NHSL2: variants seen among roughly 807,000 people sequenced by gnomAD.
NHSL2 encodes the protein NHS like 2.
NHSL2 carries 27 observed loss-of-function variants against 53.4 expected under a neutral mutation model. That is an observed-to-expected ratio of 0.51 (90% CI 0.37 to 0.70). The LOEUF (loss-of-function observed/expected upper bound fraction) is 0.70, where lower values mean the gene tolerates loss of function less well. NHSL2 is among the 30% of genes least tolerant of loss of function. The probability of loss-of-function intolerance (pLI) is 0.00; values close to 1 mark genes in which losing one functional copy is unlikely to be tolerated. For synonymous variants in NHSL2, 408 were observed against 404.1 expected, an observed-to-expected ratio of 1.01 and a Z score of -0.12; for missense variants, 892 against 980.1, an observed-to-expected ratio of 0.91 and a Z score of 1.20.
chrX:72,075,901 A>AGTGTGT (rs10637913), intron 1 of NHSL2, among the ~76,000 whole-genome samples: 1,380 of 93,307 alleles, frequency 0.015, 17 homozygotes, highest in East Asian at 0.054. Flanking sequence ...GGGGGAGCAC[A>AGTGTGT]GTGTGTGTGT....
At chrX:72,038,577 T>A (rs2042253591) in intron 1 of NHSL2, among the ~76,000 whole-genome samples, 1 of 112,194 alleles carries the variant, frequency 8.9e-6, no homozygotes, top group Non-Finnish European at 1.9e-5. Flanking sequence ...ACCACATACA[T>A]ATACATCTAT....
chrX:71,932,058 C>T (rs888975673), intron 1 of NHSL2, among the ~76,000 whole-genome samples: 40 of 112,072 alleles, frequency 3.6e-4, no homozygotes, highest in African/African-American at 1.3e-3. Context: ...TAGCCATGGC[C>T]CTTGCCTTCA....
intron 1 of NHSL2, chrX:72,130,990 C>T (rs1381082214): frequency 1.7e-6 from 2 of 1,210,925 alleles, no homozygotes; most frequent in Non-Finnish European, 2.2e-6. Context: ...CCGCTCGGCG[C>T]CCCCGGGGAA....
intron 1 of NHSL2, among the ~76,000 whole-genome samples, chrX:71,949,866 G>A (rs944886850): frequency 1.6e-4 from 18 of 112,858 alleles, no homozygotes; most frequent in African/African-American, 5.8e-4. Context: ...TGGCAGTGGG[G>A]TAGAGGCTGG....
intron 1 of NHSL2, among the ~76,000 whole-genome samples, chrX:72,040,140 T>A (rs752429405): frequency 8.9e-6 from 1 of 112,000 alleles, no homozygotes; most frequent in African/African-American, 3.3e-5. Context: ...TCTCTCTCTT[T>A]GGGGTTTTGT....
At chrX:72,012,316 C>G (rs763962097) in intron 1 of NHSL2, among the ~76,000 whole-genome samples, 1 of 111,081 alleles carries the variant, frequency 9.0e-6, no homozygotes, top group African/African-American at 3.3e-5. Context: ...TATATCATTT[C>G]CTGAGGCTGC....
intron 1 of NHSL2, among the ~76,000 whole-genome samples, chrX:72,042,133 G>A (rs1481594423): frequency 3.6e-5 from 4 of 112,658 alleles, no homozygotes; most frequent in Non-Finnish European, 7.5e-5. Flanking sequence ...CAAGGGCCTT[G>A]CAGGCATCAT....
intron 1 of NHSL2, among the ~76,000 whole-genome samples, chrX:72,116,553 T>C (rs1055280482): frequency 8.9e-6 from 1 of 111,818 alleles, no homozygotes; most frequent in African/African-American, 3.3e-5. Flanking sequence ...AGATAAGCAA[T>C]GGACAGAGTT....
chrX:71,950,907 G>T lies in NHSL2; in HGVS notation c.280+39540G>T, dbSNP rs1410732786. The stretch of plus-strand genomic sequence containing the variant: ...ATTTTGACAGAAGCATTAGAGTTAA[G>T]TCCAAACTCCCGGGCTTGGCATTCA... On this transcript the variant is annotated intron_variant, in intron 1 of 7. Coordinates refer to ENST00000633930, the MANE Select transcript of NHSL2 (RefSeq NM_001013627.3). 2.7e-5 allele frequency among the ~76,000 whole-genome samples: 3 copies of T among 110,257 alleles called. No homozygotes were observed. The East Asian group carries it at 8.5e-4, about 31-fold the overall frequency.
In NHSL2 at chrX:72,140,303, G is replaced by T; in HGVS notation, c.2755G>T (p.Asp919Tyr). The T allele has an allele frequency of 8.3e-7, 1 of 1,211,108 alleles. No homozygotes were observed. Residue 919 changes from aspartate (D) to tyrosine (Y), a missense_variant, in exon 6 of 8, where the codon GAC becomes TAC. Transcript: ENST00000633930. Reference protein sequence around the residue: ...SIQHARPLPQDSYTVVRKPKP... With the variant: ...SIQHARPLPQYSYTVVRKPKP... ...TCAACATGCGAGACCACTCCCTCAA[G>T]ACAGCTACACGGTAGTGCGGAAACC... is the stretch of plus-strand genomic sequence containing the variant.
At chrX:72,131,166 G>A (rs2042292508) in intron 1 of NHSL2, 9 of 1,177,453 alleles carry the variant, frequency 7.6e-6, no homozygotes, top group Non-Finnish European at 9.2e-6. Context: ...GCGGGGGCGG[G>A]ATGGGCAGCA....
intron 1 of NHSL2, among the ~76,000 whole-genome samples, chrX:71,982,000 A>G (rs1377822008): frequency 8.9e-6 from 1 of 112,000 alleles, no homozygotes; most frequent in Non-Finnish European, 1.9e-5. Context: ...AAATAAAAGC[A>G]TATGTCCCCA....
chrX:71,973,050 T>C (rs759489966), intron 1 of NHSL2, among the ~76,000 whole-genome samples: 30 of 111,636 alleles, frequency 2.7e-4, no homozygotes, highest in Admixed American at 8.5e-4. Flanking sequence ...CAAGGATGAG[T>C]GTGATTTAAT....
In NHSL2 at chrX:72,131,111, G is replaced by A. The variant is rs1334419545; in HGVS notation, c.281-968G>A. The A allele has an allele frequency of 5.0e-6, 6 of 1,205,388 alleles. No homozygotes were observed. The highest frequency in any genetic ancestry group is 6.7e-6 in the Non-Finnish European group (6 of 892,078). ...TCAGGCCGCTCCAGCGGTGCCAGAG[G>A]GGGTTGCGGGGGCGGTTCCTTTGAC... On this transcript the variant is annotated intron_variant, in intron 1 of 7. Coordinates refer to ENST00000633930, the MANE Select transcript of NHSL2 (RefSeq NM_001013627.3).
At chrX:71,940,640 G>A (rs1208130466) in intron 1 of NHSL2, among the ~76,000 whole-genome samples, 2 of 110,148 alleles carry the variant, frequency 1.8e-5, no homozygotes, top group African/African-American at 6.6e-5. Context: ...AAGAGGGAAG[G>A]CAGAAAGTAT....
chrX:71,958,832 A>G (rs1159189811), intron 1 of NHSL2, among the ~76,000 whole-genome samples: 1 of 112,203 alleles, frequency 8.9e-6, no homozygotes, highest in Non-Finnish European at 1.9e-5. Context: ...AAACAATTTT[A>G]TAAGTTGGAA....
intron 1 of NHSL2, among the ~76,000 whole-genome samples, chrX:72,107,440 G>A (rs1303950632): frequency 2.3e-4 from 26 of 112,023 alleles, no homozygotes; most frequent in Non-Finnish European, 5.6e-5. Context: ...TCACGGCAGG[G>A]CCCATTTAGC....
In NHSL2 at chrX:71,942,972, C is replaced by CTGTGTGTGTGTGTGTG. The variant is rs58935869; in HGVS notation, c.280+31625_280+31640dup. 8.5e-3 allele frequency among the ~76,000 whole-genome samples: 631 copies of CTGTGTGTGTGTGTGTG among 73,983 alleles called. 11 individuals are homozygous for CTGTGTGTGTGTGTGTG. The highest frequency in any genetic ancestry group is 0.033 in the African/African-American group (601 of 18,179). 64.2% of individuals were successfully genotyped at this position (73,983 alleles called of 115,157 possible). A position where few individuals can be genotyped will look rare whatever the true frequency, so the allele number is the denominator to read the frequency against. ...GCTCTCTCTCTCTCTCTCTCTCTCT[C>CTGTGTGTGTGTGTGTG]TGTGTGTGTGTGTGTGTGTGTGTGT... is the stretch of plus-strand genomic sequence containing the variant. On this transcript the variant is annotated intron_variant, in intron 1 of 7. Transcript: ENST00000633930.
intron 1 of NHSL2, among the ~76,000 whole-genome samples, chrX:72,107,618 C>T (rs1194142332): frequency 1.8e-5 from 2 of 112,023 alleles, no homozygotes; most frequent in African/African-American, 3.3e-5. Flanking sequence ...GGGAGGACGA[C>T]TCATGTGCAC....
Sources: allele counts gnomAD v4.1 joint callset (sites outside exome capture counted in the v4.1 genomes callset), GRCh38; gene constraint gnomAD v4.1.1; transcripts MANE v1.5; gene names NCBI Gene and HGNC (gene_info 2026-07-23, HGNC 2026-07-21).